ZFHX3: variants seen among roughly 807,000 people sequenced by gnomAD.
The protein encoded by ZFHX3 is zinc finger homeobox 3, also known as zinc finger homeobox protein 3.
In ZFHX3, 42 loss-of-function variants were observed where a neutral mutation model predicts 279.1. That is an observed-to-expected ratio of 0.15 (90% CI 0.12 to 0.19). ZFHX3 has a LOEUF of 0.19. Ranked by LOEUF, ZFHX3 falls within the 10% of genes least tolerant of loss-of-function variation. The probability of loss-of-function intolerance (pLI) is 1.00; values close to 1 mark genes in which losing one functional copy is unlikely to be tolerated. For synonymous variants in ZFHX3, 2,293 were observed against 1,957.8 expected, an observed-to-expected ratio of 1.17 and a Z score of -4.52; for missense variants, 4,981 against 4,754.0, an observed-to-expected ratio of 1.05 and a Z score of -1.40.
At chr16:73,033,752 A>G (rs191481400) in intron 1 of ZFHX3, among the ~76,000 whole-genome samples, 189 of 152,210 alleles carry the variant, frequency 1.2e-3, no homozygotes, top group Non-Finnish European at 2.3e-3. Context: ...TCAGCTTACC[A>G]GGGGCACAAA....
chr16:73,116,414 C>A (rs553960014), intron 7 of ZFHX3, among the ~76,000 whole-genome samples: 6 of 152,208 alleles, frequency 3.9e-5, no homozygotes, highest in African/African-American at 1.4e-4. Flanking sequence ...GAGTTTGAAC[C>A]AGAAATGTGT....
At chr16:73,334,807 A>ATTT (rs1224756669) in intron 3 of ZFHX3, among the ~76,000 whole-genome samples, 18 of 28,462 alleles carry the variant, frequency 6.3e-4, no homozygotes, top group African/African-American at 8.5e-4. Flanking sequence ...TTTCTTTCTC[A>ATTT]TTCTTTTTTT....
chr16:73,476,538 A>G (rs2018768879), intron 2 of ZFHX3, among the ~76,000 whole-genome samples: 1 of 152,210 alleles, frequency 6.6e-6, no homozygotes, highest in African/African-American at 2.4e-5. Flanking sequence ...TGATTGCTCT[A>G]ATGGAGTATA....
At chr16:73,813,513 GA>G (rs915889355) in intron 1 of ZFHX3, among the ~76,000 whole-genome samples, 2 of 151,686 alleles carry the variant, frequency 1.3e-5, no homozygotes, top group East Asian at 1.9e-4. Flanking sequence ...AAAAAAAAAG[GA>G]AAAAAAATGT....
At chr16:73,351,264 C>A (rs1326388298) in intron 3 of ZFHX3, among the ~76,000 whole-genome samples, 1 of 152,214 alleles carries the variant, frequency 6.6e-6, no homozygotes, top group African/African-American at 2.4e-5. Context: ...CAAGTGTCAA[C>A]CCCAATCCGG....
chr16:73,603,165 G>T (rs912185708), intron 2 of ZFHX3, among the ~76,000 whole-genome samples: 1 of 151,426 alleles, frequency 6.6e-6, no homozygotes, highest in Non-Finnish European at 1.5e-5. Context: ...GGCGTCTGTA[G>T]TCCCAGCTAC....
At chr16:73,850,570 T>G (rs1421602973) in intron 1 of ZFHX3, among the ~76,000 whole-genome samples, 1 of 152,156 alleles carries the variant, frequency 6.6e-6, no homozygotes, top group African/African-American at 2.4e-5. Flanking sequence ...AGTTAGAATG[T>G]GCTTTCAGGT....
chr16:73,689,986 G>A (rs1423491423), intron 1 of ZFHX3, among the ~76,000 whole-genome samples: 3 of 151,866 alleles, frequency 2.0e-5, no homozygotes, highest in East Asian at 1.9e-4. Flanking sequence ...CGCGATCTCG[G>A]CTCACCGCAA....
chr16:73,075,779 G>A (rs1397996946), intron 8 of ZFHX3, among the ~76,000 whole-genome samples: 1 of 151,996 alleles, frequency 6.6e-6, no homozygotes, highest in Admixed American at 6.6e-5. Flanking sequence ...GACTACAGGT[G>A]CATGCCACTA....
chr16:73,169,786 G>A (rs1248827894), intron 5 of ZFHX3, among the ~76,000 whole-genome samples: 2 of 152,092 alleles, frequency 1.3e-5, no homozygotes, highest in African/African-American at 4.8e-5. Flanking sequence ...TGATATTAAT[G>A]GATGACAGAC....
intron 5 of ZFHX3, among the ~76,000 whole-genome samples, chr16:73,177,471 A>G (rs1247032767): frequency 6.6e-6 from 1 of 152,240 alleles, no homozygotes; most frequent in Non-Finnish European, 1.5e-5. Context: ...TTTTCTTTGG[A>G]AGCGTATGAA....
intron 1 of ZFHX3, among the ~76,000 whole-genome samples, chr16:73,739,789 C>T (rs1481610045): frequency 2.0e-5 from 3 of 152,172 alleles, no homozygotes; most frequent in African/African-American, 7.2e-5. Context: ...CGTGATAAGG[C>T]CCAGGGAGGG....
At chr16:73,184,574 A>T (rs1286051812) in intron 5 of ZFHX3, among the ~76,000 whole-genome samples, 1 of 152,102 alleles carries the variant, frequency 6.6e-6, no homozygotes, top group African/African-American at 2.4e-5. Context: ...GCAGGTGGAG[A>T]GTCAAAATCT....
chr16:73,540,724 T>C (rs146258958), intron 2 of ZFHX3, among the ~76,000 whole-genome samples: 267 of 152,320 alleles, frequency 1.8e-3, no homozygotes, highest in Middle Eastern at 6.8e-3. Flanking sequence ...CTAGATGAGA[T>C]ACTGTGCTCG....
chr16:73,009,098 T>C (rs1191033319), intron 1 of ZFHX3, among the ~76,000 whole-genome samples: 1 of 152,172 alleles, frequency 6.6e-6, no homozygotes, highest in African/African-American at 2.4e-5. Context: ...CTTGTAGATC[T>C]TGCCTGCTAC....
chr16:73,338,890 T>G (rs2143251242), intron 3 of ZFHX3, among the ~76,000 whole-genome samples: 1 of 152,236 alleles, frequency 6.6e-6, no homozygotes, highest in South Asian at 2.1e-4. Context: ...GATGAGTTCT[T>G]GCAAGATCTG....
chr16:72,896,358 C>A lies in ZFHX3; in HGVS notation c.3217-6396G>T, dbSNP rs150401571. ...ATGCTTCTGACACGAAAACATCTCACGGCCCCCATCTGTCTCTGTGCCTTC... is the reference window on the plus strand; with the variant it reads ...ATGCTTCTGACACGAAAACATCTCAAGGCCCCCATCTGTCTCTGTGCCTTC... On this transcript the variant is annotated intron_variant, in intron 3 of 9. Coordinates refer to ENST00000268489, the MANE Select transcript of ZFHX3 (RefSeq NM_006885.4). Among the ~76,000 whole-genome samples, 4 of 152,324 alleles carry A rather than the reference C, an allele frequency of 2.6e-5. No individual in the cohort carries two copies. In the East Asian group the frequency reaches 7.7e-4, roughly 29 times the overall value.
rs35019692 is a variant in ZFHX3 at position 73,392,418 on chromosome 16, C to CAAAAAAA, written c.-1291+63578_-1291+63584dup. On this transcript the variant is annotated intron_variant, in intron 3 of 17. Coordinates refer to the ZFHX3 transcript ENST00000641206. ...TGGGTGACAGAATGAGACCCTGTCT[C>CAAAAAAA]AAAAAAAAAAAAAAAAAAAAAAAAA... is the stretch of plus-strand genomic sequence containing the variant. Among the ~76,000 whole-genome samples, 240 of 35,766 alleles carry CAAAAAAA rather than the reference C, an allele frequency of 6.7e-3. 21 individuals carry two copies. Among genetic ancestry groups the CAAAAAAA allele is most frequent in the Middle Eastern group, 0.023 (1 of 44 alleles). The allele number at this position is 35,766 out of a possible 152,430, so 23.5% of individuals were successfully genotyped here. A position where few individuals can be genotyped will look rare whatever the true frequency, so the allele number is the denominator to read the frequency against.
intron 5 of ZFHX3, among the ~76,000 whole-genome samples, chr16:73,252,980 A>C (rs1052232744): frequency 5.3e-5 from 8 of 152,202 alleles, no homozygotes; most frequent in African/African-American, 1.2e-4. Context: ...CAGTTGTGGA[A>C]GCAGAACTGA....
Sources: gnomAD v4.1 joint callset for allele counts (sites outside exome capture counted in the v4.1 genomes callset) on GRCh38, gnomAD v4.1.1 for gene constraint, MANE v1.5 for transcripts, NCBI Gene and HGNC (gene_info 2026-07-23, HGNC 2026-07-21) for gene names.